The following NHERF1 variants were observed in gnomAD, a reference collection of about 807,000 sequenced individuals.
NHERF1 encodes NHERF family PDZ scaffold protein 1.
At chr17:74,749,812 C>A in the NHERF1 span, among the ~76,000 whole-genome samples, 1 of 152,240 alleles carries the variant, frequency 6.6e-6, no homozygotes, top group South Asian at 2.1e-4. This position sits in a 1 kb window ranked among gnomAD's most constrained non-coding sequence, Gnocchi z 5.6. Context: ...CGCAGCCCGC[C>A]GGTGTGTGTC....
the NHERF1 span, among the ~76,000 whole-genome samples, chr17:74,756,176 T>TGTGCTCAA: frequency 6.6e-6 from 1 of 151,700 alleles, no homozygotes; most frequent in Non-Finnish European, 1.5e-5. Flanking sequence ...CTCAAACTCC[T>TGTGCTCAA]GTGCTCAAGT....
chr17:74,768,107 C>T, the NHERF1 span: 3 of 1,387,354 alleles, frequency 2.2e-6, no homozygotes, highest in Non-Finnish European at 2.1e-6. Context: ...ACCCCCTCAC[C>T]CCATCCTCTG....
the NHERF1 span, among the ~76,000 whole-genome samples, chr17:74,750,812 C>T: frequency 3.4e-5 from 5 of 148,736 alleles, no homozygotes; most frequent in African/African-American, 1.2e-4. Flanking sequence ...CAGCTCCTCC[C>T]TTTGCCCTTT....
chr17:74,749,812 C>T, the NHERF1 span, among the ~76,000 whole-genome samples: 1 of 152,358 alleles, frequency 6.6e-6, no homozygotes, highest in South Asian at 2.1e-4. The surrounding 1 kb of genome is among the most constrained non-coding windows in gnomAD (Gnocchi z 5.6). Flanking sequence ...CGCAGCCCGC[C>T]GGTGTGTGTC....
chr17:74,767,360 CTTCCCTGGGCAGA>C, the NHERF1 span, among the ~76,000 whole-genome samples: 2 of 152,196 alleles, frequency 1.3e-5, no homozygotes, highest in African/African-American at 4.8e-5. Flanking sequence ...CTCCTCCCCC[CTTCCCTGGGCAGA>C]AGGGAAAGGG....
the NHERF1 span, among the ~76,000 whole-genome samples, chr17:74,756,231 G>A: frequency 4.0e-5 from 6 of 148,982 alleles, no homozygotes; most frequent in Non-Finnish European, 8.9e-5. Context: ...TTACAGGCAT[G>A]AGCCACCACA....
the NHERF1 span, among the ~76,000 whole-genome samples, chr17:74,749,899 C>G: frequency 6.6e-6 from 1 of 152,220 alleles, no homozygotes; most frequent in Non-Finnish European, 1.5e-5. This position sits in a 1 kb window ranked among gnomAD's most constrained non-coding sequence, Gnocchi z 5.6. Flanking sequence ...CCCACCATCT[C>G]AGGGCGGTGT....
the NHERF1 span, among the ~76,000 whole-genome samples, chr17:74,752,301 T>G: frequency 6.6e-6 from 1 of 151,762 alleles, no homozygotes; most frequent in Non-Finnish European, 1.5e-5. Flanking sequence ...TTTTAAGAGT[T>G]ATATGCTGTT....
chr17:74,754,538 G>C, the NHERF1 span, among the ~76,000 whole-genome samples: 1 of 151,592 alleles, frequency 6.6e-6, no homozygotes, highest in Non-Finnish European at 1.5e-5. Flanking sequence ...ATGTAGCTAG[G>C]ATTACAAACA....
chr17:74,749,402 T>G, the NHERF1 span: 1 of 1,046,464 alleles, frequency 9.6e-7, no homozygotes, highest in South Asian at 1.7e-5. The surrounding 1 kb of genome is among the most constrained non-coding windows in gnomAD (Gnocchi z 5.6). Context: ...AAACTCGAGC[T>G]GCGAGGGGGA....
chr17:74,763,715 G>A, the NHERF1 span, among the ~76,000 whole-genome samples: 63 of 152,338 alleles, frequency 4.1e-4, no homozygotes, highest in African/African-American at 1.5e-3. Context: ...AGTGGCAGTG[G>A]GTTTCTGAGG....
chr17:74,756,992 A>G, the NHERF1 span, among the ~76,000 whole-genome samples: 2 of 152,116 alleles, frequency 1.3e-5, no homozygotes, highest in African/African-American at 2.4e-5. Flanking sequence ...GGGATGAGGA[A>G]GGATGCAGCA....
the NHERF1 span, among the ~76,000 whole-genome samples, chr17:74,751,872 A>G: frequency 5.3e-5 from 8 of 152,218 alleles, no homozygotes; most frequent in South Asian, 1.7e-3. The surrounding 1 kb of genome is among the most constrained non-coding windows in gnomAD (Gnocchi z 4.3). Context: ...GTAAGCCTCC[A>G]TTTCCTCTTG....
At chr17:74,764,899 C>T in the NHERF1 span, among the ~76,000 whole-genome samples, 13 of 152,234 alleles carry the variant, frequency 8.5e-5, no homozygotes, top group Admixed American at 7.2e-4. This position sits in a 1 kb window ranked among gnomAD's most constrained non-coding sequence, Gnocchi z 4.9. Flanking sequence ...GCAGCCTGTC[C>T]TTGCCCGGGG....
chr17:74,768,865 C>T, the NHERF1 span: 2 of 584,454 alleles, frequency 3.4e-6, no homozygotes, highest in Non-Finnish European at 3.1e-6. Flanking sequence ...AAAGGAGACT[C>T]TGCCTCCCTC....
the NHERF1 span, among the ~76,000 whole-genome samples, chr17:74,749,960 C>T: frequency 7.2e-5 from 11 of 152,218 alleles, 1 homozygote; most frequent in South Asian, 6.2e-4. The surrounding 1 kb of genome is among the most constrained non-coding windows in gnomAD (Gnocchi z 5.6). Flanking sequence ...AGTGGTGGTT[C>T]TGCCACCTCA....
the NHERF1 span, chr17:74,766,884 C>T: frequency 4.4e-5 from 69 of 1,584,302 alleles, no homozygotes; most frequent in African/African-American, 9.4e-5. Context: ...CTCCTCTCCA[C>T]GCTCTATTCC....
the NHERF1 span, among the ~76,000 whole-genome samples, chr17:74,762,661 G>A: frequency 1.5e-4 from 23 of 151,978 alleles, no homozygotes; most frequent in African/African-American, 5.3e-4. This position sits in a 1 kb window ranked among gnomAD's most constrained non-coding sequence, Gnocchi z 4.2. Flanking sequence ...GGGTTCAAGC[G>A]ATTCTCCTGC....
At chr17:74,762,162 C>A in the NHERF1 span, 10 of 1,614,092 alleles carry the variant, frequency 6.2e-6, no homozygotes, top group Non-Finnish European at 8.5e-6. This position sits in a 1 kb window ranked among gnomAD's most constrained non-coding sequence, Gnocchi z 4.2. Flanking sequence ...GGCCCAGGAT[C>A]GCATTGTGGA....
Sources: gnomAD v4.1 joint callset for allele counts (sites outside exome capture counted in the v4.1 genomes callset) on GRCh38, gnomAD v4.1.1 for gene constraint, Gnocchi (gnomAD v3.1) non-coding constraint, MANE v1.5 for transcripts, NCBI Gene and HGNC (gene_info 2026-07-23, HGNC 2026-07-21) for gene names.